Variants in LRRC8B observed in about 807,000 individuals in gnomAD.
The protein encoded by LRRC8B is leucine rich repeat containing 8 VRAC subunit B, also known as volume-regulated anion channel subunit LRRC8B.
Under a neutral mutation model 58.8 loss-of-function variants are expected in LRRC8B, and 23 were observed. The observed-to-expected ratio is 0.39, with a 90% CI of 0.28 to 0.55. LRRC8B has a LOEUF of 0.55. Ranked by LOEUF, LRRC8B falls within the 20% of genes least tolerant of loss-of-function variation. The pLI is 0.62. For missense variants in LRRC8B, 694 were observed against 936.0 expected (o/e 0.74, Z 3.37); for synonymous variants, 359 against 374.1 (o/e 0.96, Z 0.47).
At position 89,593,168 on chromosome 1, in the gene LRRC8B, A is replaced by G. The variant is rs1655102152; in HGVS notation, c.*125A>G. On this transcript the variant is annotated 3_prime_UTR_variant, in exon 6 of 6. Coordinates refer to ENST00000330947, the MANE Select transcript of LRRC8B (RefSeq NM_001369817.2). ...GATGGGCGGATTGCTTGAGGTCAGG[A>G]GTTCGAGACCAGTCTGGCCAACCTG... The G allele has an allele frequency of 2.1e-6, 2 of 931,460 alleles. No homozygotes were observed. The highest frequency in any genetic ancestry group is 3.2e-6 in the Non-Finnish European group (2 of 617,808). 57.7% of individuals were successfully genotyped at this position (931,460 alleles called of 1,614,324 possible).
chr1:89,527,523 G>C (rs1413501202), intron 1 of LRRC8B, among the ~76,000 whole-genome samples: 2 of 152,222 alleles, frequency 1.3e-5, no homozygotes, highest in African/African-American at 2.4e-5. Context: ...CCATTCAAGA[G>C]GAATTTGGGA....
chr1:89,543,306 CAA>C (rs1307074883), intron 1 of LRRC8B, among the ~76,000 whole-genome samples: 1 of 152,164 alleles, frequency 6.6e-6, no homozygotes, highest in Non-Finnish European at 1.5e-5. Context: ...TAACAATACT[CAA>C]AGTATTCAAA....
Position 89,593,307 on chromosome 1 carries a change from G to A in LRRC8B, c.*264G>A, listed in dbSNP as rs1308359007. 2 of 364,596 alleles carry A rather than the reference G, an allele frequency of 5.5e-6. No individual in the cohort carries two copies. Among genetic ancestry groups the A allele is most frequent in the Non-Finnish European group, 1.0e-5 (2 of 198,198 alleles). The allele number at this position is 364,596 out of a possible 1,614,324, so 22.6% of individuals were successfully genotyped here. ...CAGGGGAATTGCTTGAACCAGGGAG[G>A]TGGAGGTTGCAGTGAGCCGAGATTG... On this transcript the variant is annotated 3_prime_UTR_variant, in exon 6 of 6. Coordinates refer to ENST00000330947, the MANE Select transcript of LRRC8B (RefSeq NM_001369817.2).
At chr1:89,591,359 A>G (rs1654962533) in intron 5 of LRRC8B, among the ~76,000 whole-genome samples, 1 of 152,216 alleles carries the variant, frequency 6.6e-6, no homozygotes, top group South Asian at 2.1e-4. Context: ...TGCCTTAGAA[A>G]GAGGTTGCAT....
intron 4 of LRRC8B, among the ~76,000 whole-genome samples, chr1:89,582,317 A>G (rs561579999): frequency 6.6e-6 from 1 of 152,340 alleles, no homozygotes; most frequent in East Asian, 1.9e-4. Context: ...CCTGGTTTTT[A>G]GTAGCCTAGC....
At chr1:89,589,221 C>T (rs1654821522) in intron 5 of LRRC8B, among the ~76,000 whole-genome samples, 1 of 152,198 alleles carries the variant, frequency 6.6e-6, no homozygotes, top group South Asian at 2.1e-4. Flanking sequence ...TTTACTGAGG[C>T]TCAGAGCAAT....
At chr1:89,540,239 T>C (rs1003071425) in intron 1 of LRRC8B, among the ~76,000 whole-genome samples, 4 of 152,354 alleles carry the variant, frequency 2.6e-5, no homozygotes, top group East Asian at 1.9e-4. Context: ...GTTTAGAATA[T>C]AAGTTGTGAT....
chr1:89,555,301 C>T (rs1652101888), intron 1 of LRRC8B, among the ~76,000 whole-genome samples: 1 of 152,190 alleles, frequency 6.6e-6, no homozygotes, highest in Non-Finnish European at 1.5e-5. Flanking sequence ...TTCGTCTTCT[C>T]TGCTGATGGG....
At chr1:89,552,466 T>A (rs1479172630) in intron 1 of LRRC8B, among the ~76,000 whole-genome samples, 1 of 152,202 alleles carries the variant, frequency 6.6e-6, no homozygotes, top group Non-Finnish European at 1.5e-5. Context: ...GTTAGGTACT[T>A]ATAATAACTC....
In LRRC8B at chr1:89,594,447, A is replaced by G. The variant is rs1354522125; in HGVS notation, c.*1404A>G. On this transcript the variant is annotated 3_prime_UTR_variant, in exon 6 of 6. Transcript: ENST00000330947. Reference sequence around the variant, plus strand: ...ACTTACAAAAACTGTGATAGAGGGGAGAGGTACAGATTTGGTTTTTAAATT... The same window carrying G: ...ACTTACAAAAACTGTGATAGAGGGGGGAGGTACAGATTTGGTTTTTAAATT... 6.6e-6 allele frequency: 1 copy of G among 152,184 alleles called. No individual in the cohort carries two copies. Among genetic ancestry groups the G allele is most frequent in the Non-Finnish European group, 1.5e-5 (1 of 68,010 alleles). 9.4% of individuals were successfully genotyped at this position (152,184 alleles called of 1,614,324 possible). A position where few individuals can be genotyped will look rare whatever the true frequency, so the allele number is the denominator to read the frequency against.
intron 3 of LRRC8B, among the ~76,000 whole-genome samples, chr1:89,570,383 CTT>C (rs1440158168): frequency 1.3e-5 from 2 of 151,612 alleles, no homozygotes; most frequent in African/African-American, 2.4e-5. Context: ...GCCAGCATCT[CTT>C]TTTTGACTTT....
At chr1:89,559,501 G>T (rs553339500) in intron 1 of LRRC8B, among the ~76,000 whole-genome samples, 1 of 151,778 alleles carries the variant, frequency 6.6e-6, no homozygotes, top group Admixed American at 6.6e-5. Context: ...GGGTATGGTG[G>T]CGTGTGCCTG....
chr1:89,575,303 A>G (rs577866271), intron 3 of LRRC8B, among the ~76,000 whole-genome samples: 6 of 152,172 alleles, frequency 3.9e-5, no homozygotes, highest in African/African-American at 1.4e-4. Context: ...CCTATGCCTT[A>G]AAAGAGCTGT....
intron 1 of LRRC8B, among the ~76,000 whole-genome samples, chr1:89,541,909 C>T (rs1436425253): frequency 6.6e-6 from 1 of 151,860 alleles, no homozygotes; most frequent in Non-Finnish European, 1.5e-5. Flanking sequence ...ATTGACTATA[C>T]CAAGAATGAA....
intron 1 of LRRC8B, among the ~76,000 whole-genome samples, chr1:89,536,060 T>C (rs1650500521): frequency 6.6e-6 from 1 of 152,180 alleles, no homozygotes; most frequent in African/African-American, 2.4e-5. Context: ...GCTGCTCTCT[T>C]GCCTTCATAT....
At chr1:89,538,174 T>C (rs922386956) in intron 1 of LRRC8B, among the ~76,000 whole-genome samples, 1 of 152,162 alleles carries the variant, frequency 6.6e-6, no homozygotes, top group African/African-American at 2.4e-5. Flanking sequence ...TCCCAGCTAC[T>C]CAGGAGACCA....
chr1:89,545,956 G>C (rs1440312182), intron 1 of LRRC8B, among the ~76,000 whole-genome samples: 1 of 152,150 alleles, frequency 6.6e-6, no homozygotes, highest in Non-Finnish European at 1.5e-5. Flanking sequence ...CAAGACACCT[G>C]GCATGGGTGT....
At chr1:89,560,279 T>C (rs956792608) in intron 1 of LRRC8B, among the ~76,000 whole-genome samples, 3 of 152,186 alleles carry the variant, frequency 2.0e-5, no homozygotes, top group Non-Finnish European at 4.4e-5. Flanking sequence ...CTAATCACAT[T>C]ACTACATTCC....
At chr1:89,544,526 A>G (rs1651259293) in intron 1 of LRRC8B, among the ~76,000 whole-genome samples, 2 of 152,226 alleles carry the variant, frequency 1.3e-5, no homozygotes, top group Non-Finnish European at 2.9e-5. Context: ...GGCCTAGATT[A>G]TTCAGAGTTT....
Sources: gnomAD v4.1 joint callset for allele counts (sites outside exome capture counted in the v4.1 genomes callset) on GRCh38, gnomAD v4.1.1 for gene constraint, MANE v1.5 for transcripts, NCBI Gene and HGNC (gene_info 2026-07-23, HGNC 2026-07-21) for gene names.